The following MAPK10 variants were observed in gnomAD, a reference collection of about 807,000 sequenced individuals.
The protein encoded by MAPK10 is JNK3 alpha protein kinase.
In MAPK10, 25 loss-of-function variants were observed where a neutral mutation model predicts 59.3. That is an observed-to-expected ratio of 0.42 (90% CI 0.31 to 0.59). MAPK10 has a LOEUF of 0.59. Among genes scored for constraint, MAPK10 ranks in the 20% least tolerant of loss-of-function variants. The pLI, the probability that MAPK10 is intolerant of heterozygous loss-of-function variation, is 0.15. For synonymous variants in MAPK10, 190 were observed against 200.5 expected, an observed-to-expected ratio of 0.95 and a Z score of 0.44; for missense variants, 351 against 568.9, an observed-to-expected ratio of 0.62 and a Z score of 3.90.
intron 9 of MAPK10, among the ~76,000 whole-genome samples, chr4:86,087,499 A>C (rs1009468035): frequency 2.6e-5 from 4 of 152,178 alleles, no homozygotes; most frequent in Non-Finnish European, 5.9e-5. Context: ...TTATAAAGCC[A>C]GCTAGTTTCA....
chr4:86,585,135 G>C (rs1470242396), intron 1 of MAPK10, among the ~76,000 whole-genome samples: 1 of 152,140 alleles, frequency 6.6e-6, no homozygotes, highest in Non-Finnish European at 1.5e-5. Context: ...AGGCAGTAGA[G>C]TTTATACTTC....
intron 11 of MAPK10, among the ~76,000 whole-genome samples, chr4:86,059,710 A>G (rs530531387): frequency 6.6e-6 from 1 of 152,274 alleles, no homozygotes; most frequent in South Asian, 2.1e-4. Flanking sequence ...AATTGGTTGA[A>G]TTAGTTACAC....
At chr4:86,246,610 A>G (rs1338764780) in intron 2 of MAPK10, among the ~76,000 whole-genome samples, 3 of 152,228 alleles carry the variant, frequency 2.0e-5, no homozygotes, top group African/African-American at 7.2e-5. Context: ...GGTGCTTACC[A>G]TGTGTTCTTA....
intron 1 of MAPK10, among the ~76,000 whole-genome samples, chr4:86,483,864 G>T (rs1290176381): frequency 1.3e-5 from 2 of 152,184 alleles, no homozygotes; most frequent in Non-Finnish European, 2.9e-5. Context: ...TTCTATGATT[G>T]AGGGCTTTAT....
intron 1 of MAPK10, among the ~76,000 whole-genome samples, chr4:86,486,032 G>A (rs1161269728): frequency 6.6e-6 from 1 of 152,196 alleles, no homozygotes; most frequent in East Asian, 1.9e-4. Context: ...AACTAATATG[G>A]TAGGCCATAA....
rs542277293 is a variant in MAPK10, at chr4:86,300,697, C to A, written c.-7+53833G>T. The A allele has an allele frequency of 2.0e-5, 3 of 152,136 alleles. No homozygotes were observed. In the South Asian group the frequency reaches 6.2e-4, roughly 32 times the overall value. 9.4% of individuals were successfully genotyped at this position (152,136 alleles called of 1,614,324 possible). A position where few individuals can be genotyped will look rare whatever the true frequency, so the allele number is the denominator to read the frequency against. On this transcript the variant is annotated intron_variant, in intron 2 of 13. Transcript: ENST00000641462. ...ATGTCTCTCTTAAAAGCAATGGGAT[C>A]ATCAAGATTGATTATTTCTGGAACT... is the stretch of plus-strand genomic sequence containing the variant.
chr4:86,481,008 T>C (rs1414369815), intron 1 of MAPK10, among the ~76,000 whole-genome samples: 1 of 152,216 alleles, frequency 6.6e-6, no homozygotes, highest in Non-Finnish European at 1.5e-5. Flanking sequence ...GGCCTTTCTG[T>C]GTAGGATTCC....
At chr4:86,566,288 T>C (rs1376240378) in intron 1 of MAPK10, among the ~76,000 whole-genome samples, 2 of 152,172 alleles carry the variant, frequency 1.3e-5, no homozygotes, top group African/African-American at 4.8e-5. Flanking sequence ...CTGATAATAA[T>C]GTTGGTGTGA....
chr4:86,104,759 G>A (rs565745712), intron 5 of MAPK10, among the ~76,000 whole-genome samples: 2 of 151,984 alleles, frequency 1.3e-5, no homozygotes, highest in South Asian at 2.1e-4. Flanking sequence ...GTTTTAAAAG[G>A]TAATTTATCA....
intron 2 of MAPK10, among the ~76,000 whole-genome samples, chr4:86,279,009 G>T (rs748770977): frequency 1.3e-5 from 2 of 152,108 alleles, no homozygotes; most frequent in Non-Finnish European, 2.9e-5. Flanking sequence ...TTCATCATTT[G>T]TTAATAGTAA....
intron 9 of MAPK10, among the ~76,000 whole-genome samples, chr4:86,069,174 G>A (rs2047291255): frequency 6.6e-6 from 1 of 152,112 alleles, no homozygotes. Flanking sequence ...AAACTTAACT[G>A]TATTCAACAA....
intron 1 of MAPK10, among the ~76,000 whole-genome samples, chr4:86,580,100 C>T (rs1044369442): frequency 2.6e-5 from 4 of 152,040 alleles, no homozygotes; most frequent in African/African-American, 9.7e-5. Flanking sequence ...AGACACCGTC[C>T]GTGGCCTGTT....
intron 4 of MAPK10, 57 bp downstream of exon 4, chr4:86,159,241 C>T: frequency 7.5e-7 from 1 of 1,333,138 alleles, no homozygotes; most frequent in South Asian, 1.7e-5. Context: ...GTGTTTGTGT[C>T]TAGTAGTTGC....
intron 1 of MAPK10, among the ~76,000 whole-genome samples, chr4:86,359,288 C>CTCTCTCTCTCTCTCTCTCTG (rs796310826): frequency 4.7e-4 from 44 of 94,622 alleles, no homozygotes; most frequent in East Asian, 8.9e-4. Context: ...CTCTCTCTCT[C>CTCTCTCTCTCTCTCTCTCTG]TGTGTGTGTG....
At chr4:86,564,405 T>C (rs1323031159) in intron 1 of MAPK10, among the ~76,000 whole-genome samples, 1 of 152,222 alleles carries the variant, frequency 6.6e-6, no homozygotes, top group Non-Finnish European at 1.5e-5. Flanking sequence ...AGTACAGAAG[T>C]TGCCTCTCCA....
chr4:86,295,833 A>AT (rs56083217), intron 2 of MAPK10, among the ~76,000 whole-genome samples: 43,337 of 147,620 alleles, frequency 0.29, 7,494 homozygotes, highest in Non-Finnish European at 0.39. Context: ...CCCAAGGGCT[A>AT]TTTTTTTCCC....
chr4:86,132,208 G>A (rs984617958), intron 4 of MAPK10, among the ~76,000 whole-genome samples: 1 of 152,142 alleles, frequency 6.6e-6, no homozygotes, highest in Non-Finnish European at 1.5e-5. Flanking sequence ...ATTGATACAT[G>A]TATGAAACTT....
intron 3 of MAPK10, among the ~76,000 whole-genome samples, chr4:86,183,261 G>T (rs1013353664): frequency 6.6e-6 from 1 of 151,732 alleles, no homozygotes; most frequent in Non-Finnish European, 1.5e-5. Flanking sequence ...TTAACATTAG[G>T]TATATTTCCA....
At chr4:86,287,587 T>C (rs1186503664) in intron 2 of MAPK10, among the ~76,000 whole-genome samples, 2 of 152,210 alleles carry the variant, frequency 1.3e-5, no homozygotes, top group Non-Finnish European at 2.9e-5. Flanking sequence ...GTTGTGACTT[T>C]TATTGTCCCT....
Sources: allele counts gnomAD v4.1 joint callset (sites outside exome capture counted in the v4.1 genomes callset), GRCh38; gene constraint gnomAD v4.1.1; transcripts MANE v1.5; gene names NCBI Gene and HGNC (gene_info 2026-07-23, HGNC 2026-07-21).